TMEM114: variants seen among roughly 807,000 people sequenced by gnomAD.
TMEM114 encodes the protein transmembrane protein 114, also known as claudin-26.
Under a neutral mutation model 6.2 loss-of-function variants are expected in TMEM114, and 6 were observed. The ratio of observed to expected loss-of-function variants is 0.97; its 90% CI spans 0.53 to 1.91. The LOEUF (loss-of-function observed/expected upper bound fraction) is 1.91. TMEM114 is among the 40% of genes most tolerant of loss of function. The probability of loss-of-function intolerance (pLI) is 0.01; values close to 1 mark genes in which losing one functional copy is unlikely to be tolerated. For synonymous variants in TMEM114, 104 were observed against 73.0 expected (o/e 1.42, Z -2.16); for missense variants, 218 against 158.3 (o/e 1.38, Z -2.02).
downstream of TMEM114, among the ~76,000 whole-genome samples, chr16:8,568,720 G>A (rs1012455517): frequency 9.2e-5 from 14 of 152,174 alleles, no homozygotes; most frequent in Admixed American, 8.5e-4. Flanking sequence ...TACATCTCAT[G>A]ACTTGGAATC....
At chr16:8,589,489 C>T (rs1353819953) in intron 1 of TMEM114, 130 bp downstream of exon 1, 5 of 397,968 alleles carry the variant, frequency 1.3e-5, no homozygotes, top group African/African-American at 2.1e-5. Flanking sequence ...ACCTTCCCCC[C>T]GAGTCCCTAG....
chr16:8,535,397 G>A (rs1037571690), downstream of TMEM114, among the ~76,000 whole-genome samples: 14 of 151,930 alleles, frequency 9.2e-5, no homozygotes, highest in African/African-American at 3.4e-4. Context: ...AGGGTACAGA[G>A]CTTCATCGGG....
rs1376781601 is a variant in TMEM114 at position 8,563,717 on chromosome 16, GT to G, written n.212+25495del. ...AGTGAGTTAGTGAATGAGTGAGTGAGTGAATGAGTCAGTGAGTGAATGAATG... is the reference window on the plus strand; with the variant it reads ...AGTGAGTTAGTGAATGAGTGAGTGAGGAATGAGTCAGTGAGTGAATGAATG... On this transcript the variant is annotated intron_variant and non_coding_transcript_variant, in intron 2 of 2. Coordinates refer to the TMEM114 transcript ENST00000623677. 1.2e-4 allele frequency among the ~76,000 whole-genome samples: 18 copies of G among 151,096 alleles called. 1 individual carries two copies. Among genetic ancestry groups the G allele is most frequent in the African/African-American group, 4.4e-4 (18 of 40,492 alleles).
downstream of TMEM114, among the ~76,000 whole-genome samples, chr16:8,532,921 C>G (rs1211598468): frequency 1.3e-5 from 2 of 151,902 alleles, no homozygotes; most frequent in Admixed American, 6.6e-5. Context: ...AAGATTCCAT[C>G]TCAAAAAAAG....
chr16:8,537,824 C>T (rs1167572413), exon 3 of TMEM114: 1 of 152,032 alleles, frequency 6.6e-6, no homozygotes, highest in African/African-American at 2.4e-5. Flanking sequence ...TATCAAAAAG[C>T]AGCTGTAAAA....
Position 8,589,866 on chromosome 16 carries a change from G to T in TMEM114, c.-28C>A. On this transcript the variant is annotated 5_prime_UTR_variant, in exon 1 of 4. Coordinates refer to ENST00000620492, the MANE Select transcript of TMEM114 (RefSeq NM_001146336.2). ...CCGAGCCCAGGACCAGCAGCCGCGGGTTCCAGTGGCCGCGGCGCGACCCCT... is the reference window on the plus strand; with the variant it reads ...CCGAGCCCAGGACCAGCAGCCGCGGTTTCCAGTGGCCGCGGCGCGACCCCT... 1.5e-5 allele frequency: 6 copies of T among 395,544 alleles called. No individual in the cohort carries two copies. Among genetic ancestry groups the T allele is most frequent in the Non-Finnish European group, 2.7e-5 (6 of 224,128 alleles). 24.5% of individuals were successfully genotyped at this position (395,544 alleles called of 1,614,324 possible). A position where few individuals can be genotyped will look rare whatever the true frequency, so the allele number is the denominator to read the frequency against.
downstream of TMEM114, among the ~76,000 whole-genome samples, chr16:8,567,714 G>C (rs1355382184): frequency 3.9e-5 from 6 of 152,190 alleles, no homozygotes; most frequent in African/African-American, 1.4e-4. Flanking sequence ...TGGCCCTGCA[G>C]TATTTAATCC....
At position 8,569,986 on chromosome 16, in the gene TMEM114, C is replaced by T. The variant is rs762461511; in HGVS notation, c.459G>A (p.Gly153=). The T allele has an allele frequency of 1.6e-5, 25 of 1,550,436 alleles. No homozygotes were observed. The South Asian group carries it at 2.9e-4, about 18-fold the overall frequency. Residue 153 remains glycine, a synonymous_variant, in exon 4 of 4, where the codon GGG becomes GGA. Transcript: ENST00000620492. ...FLFGAMVTLA[G]ISVYIAYSAA... ...CTGAATACGCTATGTAGACGCTGAT[C>T]CCAGCGAGGGTCACCATGGCTGCAG...
chr16:8,581,447 A>G (rs1164661883), intron 2 of TMEM114, among the ~76,000 whole-genome samples: 1 of 152,184 alleles, frequency 6.6e-6, no homozygotes, highest in Non-Finnish European at 1.5e-5. Flanking sequence ...GGCCGATACT[A>G]AGAAGTGGAC....
intron 2 of TMEM114, among the ~76,000 whole-genome samples, chr16:8,541,667 G>A (rs1262464248): frequency 6.6e-6 from 1 of 152,174 alleles, no homozygotes; most frequent in Non-Finnish European, 1.5e-5. Context: ...TTAAAAATGT[G>A]ACAAATGAGT....
At chr16:8,553,536 A>G (rs963093579) in intron 2 of TMEM114, among the ~76,000 whole-genome samples, 4 of 151,982 alleles carry the variant, frequency 2.6e-5, no homozygotes, top group African/African-American at 9.7e-5. Context: ...CCCAGGCTGG[A>G]GTGCAGTGGC....
chr16:8,581,037 C>G (rs1902131684), intron 2 of TMEM114, among the ~76,000 whole-genome samples: 1 of 152,138 alleles, frequency 6.6e-6, no homozygotes, highest in Non-Finnish European at 1.5e-5. Context: ...GTTTGACCAT[C>G]CACAGCACCC....
At chr16:8,554,895 C>T (rs1026408590) in intron 2 of TMEM114, among the ~76,000 whole-genome samples, 2 of 152,216 alleles carry the variant, frequency 1.3e-5, no homozygotes, top group Non-Finnish European at 2.9e-5. Flanking sequence ...CTTCGTACCA[C>T]AGCTGGGTGT....
chr16:8,583,451 A>G lies in TMEM114; in HGVS notation c.301+5762T>C, dbSNP rs144165429. ...TTGTGGATGCAGGTGACTCATCAGA[A>G]GTCACACAGCTGGCCGAGCACAGTG... On this transcript the variant is annotated intron_variant, in intron 2 of 3. Coordinates refer to ENST00000620492, the MANE Select transcript of TMEM114 (RefSeq NM_001146336.2). 2.6e-5 allele frequency among the ~76,000 whole-genome samples: 4 copies of G among 152,326 alleles called. No homozygotes were observed. The Middle Eastern group carries it at 0.01, about 389-fold the overall frequency.
chr16:8,534,022 C>G (rs577235645), downstream of TMEM114, among the ~76,000 whole-genome samples: 1 of 152,174 alleles, frequency 6.6e-6, no homozygotes, highest in Non-Finnish European at 1.5e-5. Context: ...AAATGGCTCT[C>G]GTTTTGAGAT....
At chr16:8,574,896 C>A (rs1321493673) in intron 2 of TMEM114, among the ~76,000 whole-genome samples, 1 of 152,150 alleles carries the variant, frequency 6.6e-6, no homozygotes, top group African/African-American at 2.4e-5. Flanking sequence ...TTTGGTTTAG[C>A]TTTCTTTGTG....
rs1377225333 is a variant in TMEM114, at chr16:8,563,749, G to A, written n.212+25464C>T. On this transcript the variant is annotated intron_variant and non_coding_transcript_variant, in intron 2 of 2. Transcript: ENST00000623677. The stretch of plus-strand genomic sequence containing the variant: ...AGTCAGTGAGTGAATGAATGAGTCA[G>A]TGAATAAGTGAGGGAATGAGTGAGT... 9.4e-5 allele frequency among the ~76,000 whole-genome samples: 14 copies of A among 148,838 alleles called. No individual in the cohort carries two copies. The East Asian group carries it at 9.9e-4, about 10-fold the overall frequency.
chr16:8,580,851 C>T (rs551577370), intron 2 of TMEM114, among the ~76,000 whole-genome samples: 110 of 152,008 alleles, frequency 7.2e-4, no homozygotes, highest in Non-Finnish European at 1.3e-3. Flanking sequence ...CCACCACGTC[C>T]GGCTAATTTT....
At chr16:8,549,631 G>C (rs552990701) in intron 2 of TMEM114, among the ~76,000 whole-genome samples, 38 of 152,136 alleles carry the variant, frequency 2.5e-4, no homozygotes, top group Non-Finnish European at 4.3e-4. Flanking sequence ...TCCTTCGTGT[G>C]TGTGTGTATG....
Sources: gnomAD v4.1 joint callset for allele counts (sites outside exome capture counted in the v4.1 genomes callset) on GRCh38, gnomAD v4.1.1 for gene constraint, MANE v1.5 for transcripts, NCBI Gene and HGNC (gene_info 2026-07-23, HGNC 2026-07-21) for gene names.